SERGEF: variants seen among roughly 807,000 people sequenced by gnomAD.
SERGEF encodes secretion-regulating guanine nucleotide exchange factor.
Under a neutral mutation model 50.0 loss-of-function variants are expected in SERGEF, and 51 were observed. The observed-to-expected ratio is 1.02, with a 90% CI of 0.81 to 1.29. The LOEUF (loss-of-function observed/expected upper bound fraction) is 1.29, where lower values mean the gene tolerates loss of function less well. Among genes scored for constraint, SERGEF ranks in the 50% most tolerant of loss-of-function variants. SERGEF has a pLI of 0.00. For synonymous variants in SERGEF, 205 were observed against 212.4 expected (o/e 0.97, Z 0.30); for missense variants, 521 against 557.0 (o/e 0.94, Z 0.65).
chr11:17,877,098 C>T (rs1851249927), intron 10 of SERGEF, among the ~76,000 whole-genome samples: 1 of 152,234 alleles, frequency 6.6e-6, no homozygotes, highest in Non-Finnish European at 1.5e-5. Flanking sequence ...ATGTGTGAGT[C>T]TCTGCTAAGA....
chr11:17,906,558 T>C (rs547281934), intron 9 of SERGEF, among the ~76,000 whole-genome samples: 249 of 152,248 alleles, frequency 1.6e-3, no homozygotes, highest in African/African-American at 5.6e-3. Context: ...TAGGAGACAG[T>C]GCCATGCTGT....
intron 10 of SERGEF, among the ~76,000 whole-genome samples, chr11:17,796,491 G>A (rs1463136690): frequency 2.6e-5 from 4 of 152,214 alleles, no homozygotes; most frequent in African/African-American, 7.2e-5. Context: ...GTTAATTATC[G>A]TGGGAGTTTG....
intron 10 of SERGEF, among the ~76,000 whole-genome samples, chr11:17,810,956 C>T (rs1348596825): frequency 6.6e-6 from 1 of 152,166 alleles, no homozygotes; most frequent in Non-Finnish European, 1.5e-5. Flanking sequence ...TTTCTGCATC[C>T]AGTATCAGTG....
intron 9 of SERGEF, among the ~76,000 whole-genome samples, chr11:17,936,836 T>C (rs1240420651): frequency 6.6e-6 from 1 of 152,154 alleles, no homozygotes; most frequent in Non-Finnish European, 1.5e-5. Flanking sequence ...GGATCAAGGA[T>C]GAGAATGTGA....
At chr11:18,012,569 C>A (rs1854218631) in intron 1 of SERGEF, 1 of 1,170,532 alleles carries the variant, frequency 8.5e-7, no homozygotes, top group East Asian at 7.6e-5. Flanking sequence ...GTGTGGGGGG[C>A]ACAGGTGGCC....
intron 10 of SERGEF, among the ~76,000 whole-genome samples, chr11:17,851,812 T>C (rs752728328): frequency 1.3e-5 from 2 of 152,206 alleles, no homozygotes; most frequent in South Asian, 2.1e-4. Flanking sequence ...GAAAAAGATA[T>C]GACTGAAATG....
chr11:17,815,211 C>T (rs1849948108), intron 10 of SERGEF, among the ~76,000 whole-genome samples: 1 of 151,386 alleles, frequency 6.6e-6, no homozygotes, highest in Admixed American at 6.6e-5. Flanking sequence ...ACAAAAATTA[C>T]AGTCTTTAGG....
chr11:17,907,163 CAAAAAAAA>C (rs200442630), intron 9 of SERGEF, among the ~76,000 whole-genome samples: 1 of 116,818 alleles, frequency 8.6e-6, no homozygotes, highest in Non-Finnish European at 1.8e-5. Flanking sequence ...AACTTATGAC[CAAAAAAAA>C]AAAAAAAAAA....
intron 10 of SERGEF, among the ~76,000 whole-genome samples, chr11:17,798,001 G>A (rs1338188934): frequency 6.6e-6 from 1 of 152,166 alleles, no homozygotes; most frequent in Non-Finnish European, 1.5e-5. Flanking sequence ...GTGTGGTGGT[G>A]TGTGTGGATA....
chr11:17,861,473 G>A (rs1343257368), intron 10 of SERGEF, among the ~76,000 whole-genome samples: 1 of 152,198 alleles, frequency 6.6e-6, no homozygotes, highest in African/African-American at 2.4e-5. Context: ...ATGCTGCTTG[G>A]GGCAAATCAT....
chr11:17,813,365 A>G (rs1849908113), intron 10 of SERGEF, among the ~76,000 whole-genome samples: 1 of 152,194 alleles, frequency 6.6e-6, no homozygotes, highest in African/African-American at 2.4e-5. Context: ...TCATGTGGGG[A>G]GACAGTGGCA....
intron 9 of SERGEF, among the ~76,000 whole-genome samples, chr11:17,938,745 G>T (rs1283204207): frequency 6.6e-6 from 1 of 152,182 alleles, no homozygotes; most frequent in Non-Finnish European, 1.5e-5. Flanking sequence ...GAACATATGG[G>T]TATATTGGGT....
chr11:18,000,755 A>G (rs924776897), intron 4 of SERGEF, 198 bp from the exon 5 acceptor site: 4 of 688,708 alleles, frequency 5.8e-6, no homozygotes, highest in Non-Finnish European at 8.1e-6. Flanking sequence ...TTAAAATACC[A>G]TATCACAATA....
chr11:17,916,627 A>T (rs1026750670), intron 9 of SERGEF, among the ~76,000 whole-genome samples: 3 of 152,242 alleles, frequency 2.0e-5, no homozygotes, highest in African/African-American at 7.2e-5. Context: ...ATCAGAATTA[A>T]GTGAAACTAT....
intron 10 of SERGEF, among the ~76,000 whole-genome samples, chr11:17,812,672 G>A (rs950522706): frequency 2.6e-5 from 4 of 152,124 alleles, no homozygotes; most frequent in Admixed American, 6.5e-5. Context: ...TGACTTAATT[G>A]TACCTTTGAC....
chr11:17,811,874 G>A (rs949587875), intron 10 of SERGEF, among the ~76,000 whole-genome samples: 4 of 152,222 alleles, frequency 2.6e-5, no homozygotes, highest in East Asian at 1.9e-4. Context: ...ACAGATGTAC[G>A]TGCCACCAGC....
intron 4 of SERGEF, chr11:18,000,804 A>G: frequency 1.5e-6 from 1 of 646,022 alleles, no homozygotes; most frequent in South Asian, 1.5e-5. Flanking sequence ...AGGCACTTCT[A>G]AGGTCATCTA....
intron 10 of SERGEF, among the ~76,000 whole-genome samples, chr11:17,820,652 C>T (rs1850064116): frequency 6.6e-6 from 1 of 152,162 alleles, no homozygotes; most frequent in Non-Finnish European, 1.5e-5. Context: ...AACAATGGTC[C>T]TCCAAAAGAT....
chr11:17,905,904 A>G (rs1295020543), intron 9 of SERGEF, among the ~76,000 whole-genome samples: 1 of 152,226 alleles, frequency 6.6e-6, no homozygotes, highest in Non-Finnish European at 1.5e-5. Context: ...AAATTCTGAA[A>G]TAGATTCCAA....
Sources: gnomAD v4.1 joint callset for allele counts (sites outside exome capture counted in the v4.1 genomes callset) on GRCh38, gnomAD v4.1.1 for gene constraint, MANE v1.5 for transcripts, NCBI Gene and HGNC (gene_info 2026-07-23, HGNC 2026-07-21) for gene names.